Variants in ERCC8 observed in about 807,000 individuals in gnomAD.
ERCC8 encodes the protein DNA excision repair protein ERCC-8.
ERCC8 carries 52 observed loss-of-function variants against 54.9 expected under a neutral mutation model. That is an observed-to-expected ratio of 0.95 (90% CI 0.76 to 1.19). ERCC8 has a LOEUF of 1.19. Among genes scored for constraint, ERCC8 ranks in the 50% most tolerant of loss-of-function variants. ERCC8 has a pLI of 0.00. For synonymous variants in ERCC8, 146 were observed against 157.2 expected (o/e 0.93, Z 0.53); for missense variants, 514 against 466.1 (o/e 1.10, Z -0.95).
At chr5:60,891,484 T>C (rs935505962) in intron 9 of ERCC8, among the ~76,000 whole-genome samples, 3 of 152,146 alleles carry the variant, frequency 2.0e-5, no homozygotes, top group African/African-American at 7.2e-5. Context: ...CAACCATTCT[T>C]TTCAAAAGAA....
At chr5:60,912,411 G>C (rs1749295960) in intron 4 of ERCC8, among the ~76,000 whole-genome samples, 1 of 151,922 alleles carries the variant, frequency 6.6e-6, no homozygotes, top group South Asian at 2.1e-4. Context: ...TTGGTATATA[G>C]GAATGCTTGT....
chr5:60,929,281 C>T (rs781060715), intron 1 of ERCC8, among the ~76,000 whole-genome samples: 3 of 152,060 alleles, frequency 2.0e-5, no homozygotes, highest in Non-Finnish European at 4.4e-5. Flanking sequence ...TGAAATGTTT[C>T]TTAAAGACGG....
intron 3 of ERCC8, among the ~76,000 whole-genome samples, chr5:60,919,005 T>C (rs1430526757): frequency 6.6e-6 from 1 of 152,016 alleles, no homozygotes; most frequent in Non-Finnish European, 1.5e-5. Context: ...ATGCAGTATA[T>C]GCTCTGAACC....
intron 9 of ERCC8, chr5:60,893,587 CT>C (rs988903294): frequency 7.7e-6 from 5 of 649,558 alleles, no homozygotes; most frequent in Non-Finnish European, 1.4e-5. Context: ...TCATGATCAG[CT>C]TGAAAGCAGA....
chr5:60,915,035 C>T (rs199887744), intron 4 of ERCC8, among the ~76,000 whole-genome samples: 5 of 152,036 alleles, frequency 3.3e-5, no homozygotes, highest in South Asian at 4.1e-4. Flanking sequence ...GAGACACTGG[C>T]TTGTAATTTT....
At chr5:60,943,972 C>T (rs992065337) in intron 1 of ERCC8, among the ~76,000 whole-genome samples, 1 of 152,278 alleles carries the variant, frequency 6.6e-6, no homozygotes, top group South Asian at 2.1e-4. Context: ...TTCTCCAGAA[C>T]GCAGAACTCA....
intron 4 of ERCC8, among the ~76,000 whole-genome samples, chr5:60,917,793 C>G (rs778085141): frequency 6.6e-6 from 1 of 152,026 alleles, no homozygotes; most frequent in Non-Finnish European, 1.5e-5. Flanking sequence ...GTCATACAAA[C>G]TATTATCCAT....
At chr5:60,903,855 A>G (rs1748975081) in intron 5 of ERCC8, 139 bp from the exon 6 acceptor site, 8 of 805,058 alleles carry the variant, frequency 9.9e-6, no homozygotes, top group Admixed American at 5.4e-5. Flanking sequence ...TTACATTGTC[A>G]TTTTTAATGT....
Position 60,937,695 on chromosome 5 carries a change from C to T in ERCC8, c.77+7237G>A, listed in dbSNP as rs1052580314. On this transcript the variant is annotated intron_variant, in intron 1 of 11. Transcript: ENST00000676185. ...AGTTTATTTCCAGCAGGGCTGAGGA[C>T]TTGCCCCAGGCTTTAAGCCACCCAG... Among the ~76,000 whole-genome samples, 75 of 152,178 alleles carry T rather than the reference C, an allele frequency of 4.9e-4. 1 individual carries two copies. The highest frequency in any genetic ancestry group is 2.6e-4 in the Admixed American group (4 of 15,280).
chr5:60,922,066 C>G lies in ERCC8; in HGVS notation c.263G>C (p.Cys88Ser). 1.2e-6 allele frequency: 2 copies of G among 1,604,418 alleles called. No individual in the cohort carries two copies. Among genetic ancestry groups the G allele is most frequent in the Non-Finnish European group, 1.7e-6 (2 of 1,172,492 alleles). ...TTTAAATACATACCTGCCAATGGAA[C>G]ACACTGCTTTACATGTGTAATAAGA... Reference protein sequence around the residue: ...RQSYYTCKAVCSIGRDHPDVH... With the variant: ...RQSYYTCKAVSSIGRDHPDVH... The change falls in exon 3 of 12, where the codon TGT becomes TCT. Residue 88 changes from cysteine (C) to serine (S), a missense_variant. Physicochemically the swap from Cys to Ser is moderately radical, Grantham distance 112 (BLOSUM62 -1). Coordinates refer to ENST00000676185, the MANE Select transcript of ERCC8 (RefSeq NM_000082.4).
At chr5:60,926,575 T>C (rs187684387) in intron 2 of ERCC8, among the ~76,000 whole-genome samples, 24 of 152,366 alleles carry the variant, frequency 1.6e-4, no homozygotes, top group African/African-American at 4.6e-4. Flanking sequence ...CCTACTTAGT[T>C]ATTTTAAAAA....
chr5:60,879,143 G>T (rs1159013920), intron 11 of ERCC8, among the ~76,000 whole-genome samples: 5 of 152,216 alleles, frequency 3.3e-5, no homozygotes, highest in African/African-American at 1.2e-4. Context: ...AGTCATTCAG[G>T]AGGAGGTTGT....
At chr5:60,883,492 G>A (rs1054171365) in intron 11 of ERCC8, among the ~76,000 whole-genome samples, 18 of 152,246 alleles carry the variant, frequency 1.2e-4, no homozygotes, top group East Asian at 1.9e-4. Flanking sequence ...GACAGATAGT[G>A]TCAATGTTAT....
intron 4 of ERCC8, among the ~76,000 whole-genome samples, chr5:60,909,301 T>C (rs1282578879): frequency 9.0e-6 from 1 of 111,596 alleles, no homozygotes; most frequent in Admixed American, 1.1e-4. Context: ...TCTTATGACA[T>C]GGACCCTTCA....
At position 60,868,940 on chromosome 5, in the gene ERCC8, T is replaced by TA. The variant is rs1189573447; in HGVS notation, c.*5674dup. Reference sequence around the variant, plus strand: ...CCTTTCTGTAATTAGCTTTCCCTGCTATATTTTTCGACAGGCAATATTCTA... The same window carrying TA: ...CCTTTCTGTAATTAGCTTTCCCTGCTAATATTTTTCGACAGGCAATATTCTA... On this transcript the variant is annotated 3_prime_UTR_variant, in exon 12 of 12. Coordinates refer to ENST00000676185, the MANE Select transcript of ERCC8 (RefSeq NM_000082.4). 6.6e-6 allele frequency among the ~76,000 whole-genome samples: 1 copy of TA among 152,230 alleles called. No individual in the cohort carries two copies. Among genetic ancestry groups the TA allele is most frequent in the African/African-American group, 2.4e-5 (1 of 41,458 alleles).
chr5:60,886,576 C>T (rs370121270), intron 11 of ERCC8, among the ~76,000 whole-genome samples: 53 of 152,028 alleles, frequency 3.5e-4, no homozygotes, highest in African/African-American at 1.3e-3. Flanking sequence ...GTGGCGGGTA[C>T]CTGTAATCCC....
At chr5:60,932,609 G>A (rs1376556558) in intron 1 of ERCC8, among the ~76,000 whole-genome samples, 1 of 152,234 alleles carries the variant, frequency 6.6e-6, no homozygotes, top group Non-Finnish European at 1.5e-5. Context: ...TTGGAAGCCT[G>A]TGCCTGGTTT....
At chr5:60,880,881 C>T (rs369690794) in intron 11 of ERCC8, among the ~76,000 whole-genome samples, 15 of 152,322 alleles carry the variant, frequency 9.8e-5, no homozygotes, top group African/African-American at 3.6e-4. Flanking sequence ...TGTCATTCTC[C>T]ATCCAGTTTG....
chr5:60,918,806 T>C (rs1306585189), intron 3 of ERCC8, among the ~76,000 whole-genome samples: 1 of 152,044 alleles, frequency 6.6e-6, no homozygotes, highest in Non-Finnish European at 1.5e-5. Context: ...CTCACACACC[T>C]CCATGGTATT....
Sources: allele counts gnomAD v4.1 joint callset (sites outside exome capture counted in the v4.1 genomes callset), GRCh38; gene constraint gnomAD v4.1.1; transcripts MANE v1.5; gene names NCBI Gene and HGNC (gene_info 2026-07-23, HGNC 2026-07-21).